The following LSAMP variants were observed in gnomAD, a reference collection of about 807,000 sequenced individuals.
LSAMP encodes the protein limbic system-associated membrane protein.
Under a neutral mutation model 38.6 loss-of-function variants are expected in LSAMP, and 7 were observed. The ratio of observed to expected loss-of-function variants is 0.18; its 90% CI spans 0.10 to 0.34. The LOEUF (loss-of-function observed/expected upper bound fraction) is 0.34. Among genes scored for constraint, LSAMP ranks in the 10% least tolerant of loss-of-function variants. The probability of loss-of-function intolerance (pLI) is 1.00; values close to 1 mark genes in which losing one functional copy is unlikely to be tolerated. For missense variants in LSAMP, 313 were observed against 420.0 expected (o/e 0.75, Z 2.23); for synonymous variants, 154 against 166.8 (o/e 0.92, Z 0.59).
intron 1 of LSAMP, among the ~76,000 whole-genome samples, chr3:116,274,020 C>T (rs76744400): frequency 0.059 from 8,897 of 151,702 alleles, 333 homozygotes; most frequent in Middle Eastern, 0.11. Flanking sequence ...CAGCACTTCT[C>T]CTCTGTGTTC....
intron 3 of LSAMP, among the ~76,000 whole-genome samples, chr3:115,886,971 T>A (rs1157127672): frequency 1.3e-5 from 2 of 151,956 alleles, no homozygotes; most frequent in African/African-American, 2.4e-5. Context: ...AATTATTTTT[T>A]AAAAACTATT....
chr3:116,135,360 A>C (rs1481664770), intron 1 of LSAMP, among the ~76,000 whole-genome samples: 1 of 152,170 alleles, frequency 6.6e-6, no homozygotes, highest in Non-Finnish European at 1.5e-5. Context: ...TAATTTCACA[A>C]CTGTGCTGTG....
chr3:115,951,651 C>T (rs1193103966), intron 3 of LSAMP, among the ~76,000 whole-genome samples: 2 of 152,108 alleles, frequency 1.3e-5, no homozygotes, highest in Admixed American at 6.6e-5. Context: ...GGCAGAGGAA[C>T]GTGGAAAGAC....
chr3:116,328,941 G>C (rs2047812803), intron 1 of LSAMP, among the ~76,000 whole-genome samples: 1 of 152,024 alleles, frequency 6.6e-6, no homozygotes, highest in Non-Finnish European at 1.5e-5. Flanking sequence ...AAGCAAATGA[G>C]TTTGCATTTA....
intron 1 of LSAMP, among the ~76,000 whole-genome samples, chr3:116,401,561 T>A (rs1193891252): frequency 6.6e-6 from 1 of 152,174 alleles, no homozygotes. Context: ...GGATTACAGG[T>A]GTGAGCCACT....
chr3:116,207,233 CT>C (rs2046082379), intron 1 of LSAMP, among the ~76,000 whole-genome samples: 1 of 151,890 alleles, frequency 6.6e-6, no homozygotes, highest in South Asian at 2.1e-4. Flanking sequence ...CAACCCCTGC[CT>C]TTTTCTGTTT....
intron 1 of LSAMP, among the ~76,000 whole-genome samples, chr3:116,211,550 C>A (rs932413937): frequency 1.3e-5 from 2 of 152,074 alleles, no homozygotes; most frequent in Non-Finnish European, 2.9e-5. Context: ...TCTGTAAATA[C>A]AGAAATATGG....
intron 1 of LSAMP, among the ~76,000 whole-genome samples, chr3:116,256,805 G>GAGAT (rs3217721): frequency 0.77 from 117,324 of 151,530 alleles, 45,934 homozygotes; most frequent in Non-Finnish European, 0.84. Context: ...GAGGAGGAGA[G>GAGAT]AGGATGAATC....
chr3:116,432,598 TC>T (rs1275464593), intron 1 of LSAMP, among the ~76,000 whole-genome samples: 1 of 152,088 alleles, frequency 6.6e-6, no homozygotes, highest in Non-Finnish European at 1.5e-5. Flanking sequence ...ATATTATCAT[TC>T]TATCTATAAC....
intron 3 of LSAMP, among the ~76,000 whole-genome samples, chr3:115,910,391 A>T (rs1301262200): frequency 6.6e-6 from 1 of 152,176 alleles, no homozygotes; most frequent in Non-Finnish European, 1.5e-5. Flanking sequence ...CCCATAATGT[A>T]TCAGTGTGTG....
chr3:116,095,605 G>A (rs1429298160), intron 1 of LSAMP, among the ~76,000 whole-genome samples: 1 of 152,068 alleles, frequency 6.6e-6, no homozygotes, highest in Non-Finnish European at 1.5e-5. Flanking sequence ...TCACATAGAA[G>A]AAATAAATGG....
chr3:116,337,919 G>C (rs2047943409), intron 1 of LSAMP, among the ~76,000 whole-genome samples: 1 of 151,978 alleles, frequency 6.6e-6, no homozygotes, highest in Non-Finnish European at 1.5e-5. Flanking sequence ...AAAGGATTAT[G>C]ATATAGGTTG....
At chr3:115,872,862 T>A (rs1047362901) in intron 3 of LSAMP, among the ~76,000 whole-genome samples, 1 of 152,112 alleles carries the variant, frequency 6.6e-6, no homozygotes, top group African/African-American at 2.4e-5. Context: ...AATAAATATT[T>A]ACTGAGAATT....
At chr3:116,072,482 TCA>T (rs765670205) in intron 2 of LSAMP, among the ~76,000 whole-genome samples, 1 of 152,150 alleles carries the variant, frequency 6.6e-6, no homozygotes, top group Non-Finnish European at 1.5e-5. Flanking sequence ...TGCCACACTT[TCA>T]CAGTGATTGG....
intron 1 of LSAMP, among the ~76,000 whole-genome samples, chr3:116,423,003 G>A (rs550345495): frequency 7.2e-5 from 11 of 152,158 alleles, no homozygotes; most frequent in Non-Finnish European, 1.0e-4. Flanking sequence ...CCCCGTGAGA[G>A]TTGTTACTTT....
At chr3:116,033,681 C>T (rs1317364477) in intron 2 of LSAMP, among the ~76,000 whole-genome samples, 1 of 152,068 alleles carries the variant, frequency 6.6e-6, no homozygotes, top group Non-Finnish European at 1.5e-5. Flanking sequence ...GTGTTTGTAT[C>T]CATCTGGTAA....
intron 1 of LSAMP, among the ~76,000 whole-genome samples, chr3:116,137,154 T>A (rs1709268896): frequency 6.6e-6 from 1 of 152,048 alleles, no homozygotes; most frequent in African/African-American, 2.4e-5. Context: ...TCTGTCTTCT[T>A]CTTTTTATTT....
rs151135333 is a variant in LSAMP at position 115,851,037 on chromosome 3, G to A, written c.649+1446C>T. Among the ~76,000 whole-genome samples, 1,296 of 152,180 alleles carry A rather than the reference G, an allele frequency of 8.5e-3. 16 individuals carry two copies. Among genetic ancestry groups the A allele is most frequent in the African/African-American group, 0.028 (1,179 of 41,530 alleles). On this transcript the variant is annotated intron_variant, in intron 4 of 6. Transcript: ENST00000490035. Reference sequence around the variant, plus strand: ...TGCCCATGCTGAAGTGCAGTGGCGCGATCTCGGCTCACTGCAACCTCCACC... The same window carrying A: ...TGCCCATGCTGAAGTGCAGTGGCGCAATCTCGGCTCACTGCAACCTCCACC...
Position 116,095,546 on chromosome 3 carries a change from C to A in LSAMP, c.156-8990G>T, listed in dbSNP as rs1265164722. 3.3e-5 allele frequency among the ~76,000 whole-genome samples: 5 copies of A among 152,332 alleles called. No individual in the cohort carries two copies. In the East Asian group the frequency reaches 7.7e-4, roughly 24 times the overall value. On this transcript the variant is annotated intron_variant, in intron 1 of 6. Coordinates refer to ENST00000490035, the MANE Select transcript of LSAMP (RefSeq NM_002338.5). ...TGTGTCTCAACAAACTCCCTTCCGG[C>A]ACCATCTGTATTCCTATTGTTGTCA... is the stretch of plus-strand genomic sequence containing the variant.
Sources: gnomAD v4.1 joint callset for allele counts (sites outside exome capture counted in the v4.1 genomes callset) on GRCh38, gnomAD v4.1.1 for gene constraint, MANE v1.5 for transcripts, NCBI Gene and HGNC (gene_info 2026-07-23, HGNC 2026-07-21) for gene names.